Variants in MIA2 observed in about 807,000 individuals in gnomAD.
MIA2 encodes melanoma inhibitory activity protein 2.
In MIA2, 127 loss-of-function variants were observed where a neutral mutation model predicts 167.8. That is an observed-to-expected ratio of 0.76 (90% CI 0.66 to 0.88). MIA2 has a LOEUF of 0.88. MIA2 is among the 40% of genes least tolerant of loss of function. The probability of loss-of-function intolerance (pLI) is 0.00; values close to 1 mark genes in which losing one functional copy is unlikely to be tolerated. For synonymous variants in MIA2, 552 were observed against 541.9 expected (o/e 1.02, Z -0.26); for missense variants, 1,690 against 1,624.7 (o/e 1.04, Z -0.69).
At chr14:39,329,463 C>G (rs1031471160) in intron 25 of MIA2, among the ~76,000 whole-genome samples, 1 of 152,116 alleles carries the variant, frequency 6.6e-6, no homozygotes, top group African/African-American at 2.4e-5. Context: ...TTTCTCTTGC[C>G]TGATTGCCCT....
intron 23 of MIA2, among the ~76,000 whole-genome samples, chr14:39,382,691 G>C (rs8006076): frequency 0.07 from 10,724 of 152,254 alleles, 458 homozygotes; most frequent in South Asian, 0.17. Flanking sequence ...TTTATCTGTA[G>C]CTACTGCTTA....
At position 39,385,982 on chromosome 14, in the gene MIA2, A is replaced by G. The variant is rs1404940482; in HGVS notation, c.2249-903A>G. On this transcript the variant is annotated intron_variant, in intron 23 of 23. Transcript: ENST00000341502. ...CCAGGAGCCTGTCCGCCACCATTTG[A>G]GCAAGAACGCCTCCATCCAGCAGCA... The G allele has an allele frequency of 7.1e-6, 6 of 841,726 alleles. 1 individual carries two copies. The highest frequency in any genetic ancestry group is 2.3e-4 in the Middle Eastern group (1 of 4,418). The allele number at this position is 841,726 out of a possible 1,614,324, so 52.1% of individuals were successfully genotyped here.
At chr14:39,345,370 G>A (rs1322707157) in intron 25 of MIA2, among the ~76,000 whole-genome samples, 5 of 152,030 alleles carry the variant, frequency 3.3e-5, no homozygotes, top group African/African-American at 7.2e-5. Context: ...CACCATACCC[G>A]TCTCTTTCCA....
chr14:39,384,026 A>G (rs185775751), intron 23 of MIA2, among the ~76,000 whole-genome samples: 5 of 152,352 alleles, frequency 3.3e-5, no homozygotes, highest in Admixed American at 6.5e-5. Context: ...TGGCTACACT[A>G]AACAGCAGAT....
intron 23 of MIA2, among the ~76,000 whole-genome samples, chr14:39,319,892 AT>A (rs1421479571): frequency 1.3e-5 from 2 of 152,052 alleles, no homozygotes; most frequent in Non-Finnish European, 2.9e-5. Flanking sequence ...TTTCATAATA[AT>A]TTTGGTTGAA....
At chr14:39,242,245 G>A (rs1437322442) in intron 3 of MIA2, among the ~76,000 whole-genome samples, 1 of 151,908 alleles carries the variant, frequency 6.6e-6, no homozygotes, top group Non-Finnish European at 1.5e-5. Context: ...GCCTTGGAGA[G>A]GCCTTCCATG....
intron 17 of MIA2, among the ~76,000 whole-genome samples, chr14:39,305,607 G>A (rs1483916895): frequency 6.6e-6 from 1 of 152,152 alleles, no homozygotes; most frequent in African/African-American, 2.4e-5. Context: ...ATCATTTACA[G>A]TGGTCTTTAT....
At chr14:39,330,560 T>A (rs1249205243) in intron 25 of MIA2, among the ~76,000 whole-genome samples, 1 of 152,162 alleles carries the variant, frequency 6.6e-6, no homozygotes, top group Admixed American at 6.5e-5. Context: ...GTTTGGGTGT[T>A]GATTTTAGAT....
At chr14:39,299,750 C>T in intron 13 of MIA2, 114 bp from the exon 14 acceptor site, 1 of 1,101,956 alleles carries the variant, frequency 9.1e-7, no homozygotes, top group Non-Finnish European at 1.2e-6. Flanking sequence ...TTTGAAAGTT[C>T]TTTGAAAATA....
At chr14:39,305,904 C>G (rs2063265131) in intron 17 of MIA2, among the ~76,000 whole-genome samples, 1 of 149,992 alleles carries the variant, frequency 6.7e-6, no homozygotes, top group Non-Finnish European at 1.5e-5. Context: ...CCACTGCACT[C>G]CAGCCTAGGC....
chr14:39,243,463 T>C (rs1762708217), intron 3 of MIA2, among the ~76,000 whole-genome samples: 1 of 152,134 alleles, frequency 6.6e-6, no homozygotes, highest in Non-Finnish European at 1.5e-5. Context: ...AAGGAGGAAA[T>C]TTCCCTCTGA....
At chr14:39,271,094 C>G (rs574501358) in intron 6 of MIA2, among the ~76,000 whole-genome samples, 1 of 152,126 alleles carries the variant, frequency 6.6e-6, no homozygotes, top group African/African-American at 2.4e-5. Flanking sequence ...TTAGCTCTTA[C>G]GGGAAGTTCT....
chr14:39,244,663 A>G (rs1298108951), intron 3 of MIA2, among the ~76,000 whole-genome samples: 2 of 152,220 alleles, frequency 1.3e-5, no homozygotes, highest in African/African-American at 4.8e-5. Flanking sequence ...ATTAAAAAAA[A>G]AGTCTTCATC....
intron 23 of MIA2, among the ~76,000 whole-genome samples, chr14:39,367,547 A>G (rs1219481814): frequency 1.6e-4 from 24 of 152,158 alleles, no homozygotes; most frequent in Admixed American, 1.6e-3. Context: ...TGCAGTGGGA[A>G]TGTGGATACC....
In MIA2 at chr14:39,332,742, G is replaced by T. The variant is rs548988989; in HGVS notation, c.3655+5720G>T. The stretch of plus-strand genomic sequence containing the variant: ...ACCCTGCTTCTGCTTGCAGTCCGTG[G>T]ACTGCACCCGCTCTCTAACCAGTCC... On this transcript the variant is annotated intron_variant, in intron 25 of 28. Coordinates refer to ENST00000640607, the MANE Select transcript of MIA2 (RefSeq NM_001329214.4). 4.7e-4 allele frequency among the ~76,000 whole-genome samples: 71 copies of T among 152,070 alleles called. 1 individual carries two copies. The South Asian group carries it at 0.014, about 30-fold the overall frequency.
chr14:39,355,602 G>A (rs550547885), downstream of MIA2, among the ~76,000 whole-genome samples: 1 of 152,222 alleles, frequency 6.6e-6, no homozygotes, highest in East Asian at 1.9e-4. Context: ...GAATAGGAGT[G>A]GTGAGAGAGG....
In MIA2 at chr14:39,266,728, C is replaced by T; in HGVS notation, c.1888-10206C>T. ...GGCTTCTCGGGGCTGCCGGGGTCTC[C>T]CGGGGTACGCCGCCGTCAGGACTTC... On this transcript the variant is annotated intron_variant, in intron 6 of 28. Coordinates refer to ENST00000640607, the MANE Select transcript of MIA2 (RefSeq NM_001329214.4). 4 of 985,362 alleles carry T rather than the reference C, an allele frequency of 4.1e-6. No individual in the cohort carries two copies. In the South Asian group the frequency reaches 1.9e-4, roughly 46 times the overall value. 61.0% of individuals were successfully genotyped at this position (985,362 alleles called of 1,614,324 possible). A position where few individuals can be genotyped will look rare whatever the true frequency, so the allele number is the denominator to read the frequency against.
intron 23 of MIA2, chr14:39,386,819 C>T: frequency 1.0e-6 from 1 of 970,936 alleles, no homozygotes; most frequent in East Asian, 2.4e-5. Context: ...TACTGATGAC[C>T]ATAGAATTCT....
intron 20 of MIA2, 116 bp downstream of exon 20, chr14:39,314,915 CTTTT>C: frequency 5.4e-6 from 4 of 739,670 alleles, no homozygotes; most frequent in Non-Finnish European, 7.8e-6. Context: ...TTGTATACCT[CTTTT>C]GAGGTGTTGC....
Sources: allele counts gnomAD v4.1 joint callset (sites outside exome capture counted in the v4.1 genomes callset), GRCh38; gene constraint gnomAD v4.1.1; transcripts MANE v1.5; gene names NCBI Gene and HGNC (gene_info 2026-07-23, HGNC 2026-07-21).